ASS1: variants seen among roughly 807,000 people sequenced by gnomAD.
ASS1 encodes the protein argininosuccinate synthase.
In ASS1, 58 loss-of-function variants were observed where a neutral mutation model predicts 60.5. The observed-to-expected ratio is 0.96, with a 90% confidence interval of 0.78 to 1.19. The LOEUF (loss-of-function observed/expected upper bound fraction) is 1.19, where lower values mean the gene tolerates loss of function less well. Among genes scored for constraint, ASS1 ranks in the 50% most tolerant of loss-of-function variants. ASS1 has a pLI of 0.00. For missense variants in ASS1, 454 were observed against 547.3 expected (o/e 0.83, Z 1.70); for synonymous variants, 200 against 206.9 (o/e 0.97, Z 0.29).
chr9:130,479,851 A>G (rs1846123986), intron 10 of ASS1, 51 bp downstream of exon 10: 1 of 1,556,774 alleles, frequency 6.4e-7, no homozygotes, highest in Middle Eastern at 1.7e-4. Context: ...GTCTCGGGCG[A>G]GCACGAGCCT....
intron 3 of ASS1, among the ~76,000 whole-genome samples, chr9:130,456,188 A>G (rs900109262): frequency 6.6e-6 from 1 of 152,244 alleles, no homozygotes; most frequent in African/African-American, 2.4e-5. Flanking sequence ...AGGATGGGCC[A>G]GGCACAGTGG....
intron 3 of ASS1, 113 bp downstream of exon 3, chr9:130,454,486 T>A: frequency 8.5e-7 from 1 of 1,172,736 alleles, no homozygotes; most frequent in Non-Finnish European, 1.2e-6. Context: ...TTCTTGCTTC[T>A]AAGAGTATGA....
Position 130,488,482 on chromosome 9 carries a change from C to T in ASS1, c.839-851C>T, listed in dbSNP as rs1359674459. ...CTGTGGGCGGTCCTGCCTCTTGGTGCCCCACTGTCCTCCAATGCAGTAGGA... is the reference window on the plus strand; with the variant it reads ...CTGTGGGCGGTCCTGCCTCTTGGTGTCCCACTGTCCTCCAATGCAGTAGGA... On this transcript the variant is annotated intron_variant, in intron 11 of 14. Coordinates refer to ENST00000352480, the MANE Select transcript of ASS1 (RefSeq NM_054012.4). This position sits in a 1 kb window ranked among gnomAD's most constrained non-coding sequence, Gnocchi z 5.2. Among the ~76,000 whole-genome samples the T allele has an allele frequency of 6.6e-6, 1 of 152,172 alleles. No individual in the cohort carries two copies. The highest frequency in any genetic ancestry group is 1.5e-5 in the Non-Finnish European group (1 of 68,040).
intron 1 of ASS1, among the ~76,000 whole-genome samples, chr9:130,445,832 C>CAGCTGCAGGTCTCAGGGCAGG (rs1281715269): frequency 6.6e-6 from 1 of 152,154 alleles, no homozygotes; most frequent in East Asian, 1.9e-4. Context: ...CACTCCCGAG[C>CAGCTGCAGGTCTCAGGGCAGG]AGCCGAGTCA....
At position 130,459,470 on chromosome 9, in the gene ASS1, C is replaced by T. The variant is rs1173089797; in HGVS notation, c.363+881C>T. Among the ~76,000 whole-genome samples, 8 of 151,956 alleles carry T rather than the reference C, an allele frequency of 5.3e-5. No homozygotes were observed. Among genetic ancestry groups the T allele is most frequent in the African/African-American group, 1.2e-4 (5 of 41,358 alleles). On this transcript the variant is annotated intron_variant, in intron 4 of 14. Transcript: ENST00000352480. The surrounding 1 kb of genome is among the most constrained non-coding windows in gnomAD (Gnocchi z 4.6). ...GGAGAGGGACAAAGTCTCACTCTGA[C>T]GCCCAGGCTGGAGTGCAGTGGCTCG...
intron 11 of ASS1, among the ~76,000 whole-genome samples, chr9:130,486,097 C>T (rs1264716036): frequency 6.6e-6 from 1 of 152,112 alleles, no homozygotes; most frequent in East Asian, 1.9e-4. Context: ...AGCAATCCTC[C>T]CACCTAGCAT....
In ASS1 at chr9:130,489,247, T is replaced by C; in HGVS notation, c.839-86T>C. ...TCAGACGACTCATTATTATTATTATTTTTTTTTTTGTCATTTGCTGACAGT... is the reference window on the plus strand; with the variant it reads ...TCAGACGACTCATTATTATTATTATCTTTTTTTTTGTCATTTGCTGACAGT... On this transcript the variant is annotated intron_variant, in intron 11 of 14. Transcript: ENST00000352480. The surrounding 1 kb of genome is among the most constrained non-coding windows in gnomAD (Gnocchi z 4.1). 1 of 1,530,730 alleles carries C rather than the reference T, an allele frequency of 6.5e-7. No homozygotes were observed. Among genetic ancestry groups the C allele is most frequent in the Non-Finnish European group, 8.9e-7 (1 of 1,120,004 alleles). The allele number at this position is 1,530,730 out of a possible 1,614,324, so 94.8% of individuals were successfully genotyped here.
chr9:130,473,537 A>T (rs1191187510), intron 8 of ASS1, among the ~76,000 whole-genome samples: 1 of 151,966 alleles, frequency 6.6e-6, no homozygotes, highest in Admixed American at 6.6e-5. Flanking sequence ...CTCTGGAAAG[A>T]AGTTTGCCCC....
intron 9 of ASS1, among the ~76,000 whole-genome samples, chr9:130,479,341 C>T (rs989933462): frequency 1.3e-5 from 2 of 152,108 alleles, no homozygotes; most frequent in African/African-American, 4.8e-5. Flanking sequence ...AGCCACACCT[C>T]GGCCAGGCGG....
At chr9:130,467,002 C>G (rs1028190104) in intron 6 of ASS1, among the ~76,000 whole-genome samples, 2 of 152,236 alleles carry the variant, frequency 1.3e-5, no homozygotes, top group African/African-American at 2.4e-5. Flanking sequence ...TCTGCCAGCC[C>G]GTTGCCAGGG....
Position 130,491,200 on chromosome 9 carries a change from G to A in ASS1, c.970+1736G>A, listed in dbSNP as rs1846440649. On this transcript the variant is annotated intron_variant, in intron 12 of 14. Coordinates refer to ENST00000352480, the MANE Select transcript of ASS1 (RefSeq NM_054012.4). The surrounding 1 kb of genome is among the most constrained non-coding windows in gnomAD (Gnocchi z 5.3). Reference sequence around the variant, plus strand: ...TGCCCCCGTTCCCAGGGACAGACAGGTGCTTAAATACCATTGTCTCCTGCA... The same window carrying A: ...TGCCCCCGTTCCCAGGGACAGACAGATGCTTAAATACCATTGTCTCCTGCA... Among the ~76,000 whole-genome samples the A allele has an allele frequency of 6.6e-6, 1 of 152,212 alleles. No homozygotes were observed. The highest frequency in any genetic ancestry group is 2.4e-5 in the African/African-American group (1 of 41,446).
At chr9:130,466,846 C>T (rs1845755626) in intron 6 of ASS1, 47 bp downstream of exon 6, 1 of 1,595,298 alleles carries the variant, frequency 6.3e-7, no homozygotes, top group Non-Finnish European at 8.6e-7. Context: ...CTATAGCCCC[C>T]TTCCCGGGCA....
At chr9:130,452,173 G>C in intron 1 of ASS1, 51 bp from the exon 2 acceptor site, 6 of 1,512,034 alleles carry the variant, frequency 4.0e-6, no homozygotes, top group African/African-American at 1.4e-5. Flanking sequence ...GGGCTGGCGG[G>C]GGGCACTGGC....
In ASS1 at chr9:130,448,121, GT is replaced by G. The variant is rs570468061; in HGVS notation, c.-6+3129del. On this transcript the variant is annotated intron_variant, in intron 1 of 14. Coordinates refer to ENST00000352480, the MANE Select transcript of ASS1 (RefSeq NM_054012.4). The stretch of plus-strand genomic sequence containing the variant: ...TTCCTCCCCCGACATCAAACCCTCA[GT>G]TTCATTTAGTTTTTGCCTCGGGCTG... Among the ~76,000 whole-genome samples, 272 of 151,866 alleles carry G rather than the reference GT, an allele frequency of 1.8e-3. 1 individual carries two copies. Among genetic ancestry groups the G allele is most frequent in the African/African-American group, 6.3e-3 (260 of 41,408 alleles).
intron 2 of ASS1, among the ~76,000 whole-genome samples, chr9:130,453,836 G>T (rs1162108113): frequency 1.3e-5 from 2 of 152,224 alleles, no homozygotes; most frequent in African/African-American, 2.4e-5. Context: ...CTGAGCACGG[G>T]CTTCTCTGCC....
chr9:130,479,541 T>C (rs182378503), intron 9 of ASS1, among the ~76,000 whole-genome samples, 175 bp from the exon 10 acceptor site: 1 of 152,282 alleles, frequency 6.6e-6, no homozygotes, highest in Admixed American at 6.5e-5. Context: ...TTCTCGCCCC[T>C]TCTCTCCCTG....
At chr9:130,455,440 TATCC>T (rs1845427091) in intron 3 of ASS1, among the ~76,000 whole-genome samples, 1 of 150,772 alleles carries the variant, frequency 6.6e-6, no homozygotes, top group African/African-American at 2.4e-5. Context: ...ACCGTTTTTC[TATCC>T]ATCCATTCAT....
chr9:130,496,593 TAAAAA>T (rs56807719), intron 13 of ASS1, among the ~76,000 whole-genome samples: 8 of 105,954 alleles, frequency 7.6e-5, no homozygotes, highest in African/African-American at 1.1e-4. Context: ...ACTGTCTCTT[TAAAAA>T]AAAAAAAAAA....
rs1274230116 is a variant in ASS1, at chr9:130,459,711, A to C, written c.363+1122A>C. Among the ~76,000 whole-genome samples, 1 of 152,244 alleles carries C rather than the reference A, an allele frequency of 6.6e-6. No homozygotes were observed. Among genetic ancestry groups the C allele is most frequent in the Non-Finnish European group, 1.5e-5 (1 of 68,046 alleles). ...TGGCCTCCCAAAGCACTGGGATTAC[A>C]GGCGTGGGCCACCATGCCCAGCCTT... On this transcript the variant is annotated intron_variant, in intron 4 of 14. Transcript: ENST00000352480. The surrounding 1 kb of genome is among the most constrained non-coding windows in gnomAD (Gnocchi z 4.6).
Sources: gnomAD v4.1 joint callset for allele counts (sites outside exome capture counted in the v4.1 genomes callset) on GRCh38, gnomAD v4.1.1 for gene constraint, Gnocchi (gnomAD v3.1) non-coding constraint, MANE v1.5 for transcripts, NCBI Gene and HGNC (gene_info 2026-07-23, HGNC 2026-07-21) for gene names.